GPC6: variants seen among roughly 807,000 people sequenced by gnomAD.
The protein encoded by GPC6 is glypican 6.
A neutral mutation model predicts 55.2 loss-of-function variants in GPC6; 14 were observed. The ratio of observed to expected loss-of-function variants is 0.25; its 90% CI spans 0.17 to 0.40. The LOEUF is 0.40. Among genes scored for constraint, GPC6 ranks in the 10% least tolerant of loss-of-function variants. GPC6 has a pLI of 1.00. For missense variants in GPC6, 641 were observed against 708.5 expected (o/e 0.90, Z 1.08); for synonymous variants, 278 against 259.6 (o/e 1.07, Z -0.68).
intron 5 of GPC6, among the ~76,000 whole-genome samples, chr13:94,293,434 A>G (rs1875117422): frequency 6.6e-6 from 1 of 152,186 alleles, no homozygotes; most frequent in Non-Finnish European, 1.5e-5. Flanking sequence ...ACCCACCACC[A>G]TATAAGACAC....
At chr13:93,598,974 G>A (rs1877887878) in intron 2 of GPC6, among the ~76,000 whole-genome samples, 2 of 152,106 alleles carry the variant, frequency 1.3e-5, no homozygotes, top group South Asian at 4.1e-4. Flanking sequence ...CTGTGTCTGA[G>A]ACACCTCAAT....
intron 1 of GPC6, among the ~76,000 whole-genome samples, chr13:93,253,087 G>GT (rs1390704911): frequency 6.6e-6 from 1 of 152,050 alleles, no homozygotes; most frequent in Non-Finnish European, 1.5e-5. Flanking sequence ...CTATCAAAAT[G>GT]TTTTTTCAAA....
chr13:93,300,176 C>A (rs1566286898), intron 1 of GPC6, among the ~76,000 whole-genome samples: 1 of 152,148 alleles, frequency 6.6e-6, no homozygotes, highest in Non-Finnish European at 1.5e-5. Flanking sequence ...GGGGTACATC[C>A]AGGAAAATAT....
chr13:94,133,141 T>TTGG (rs1887058763), intron 4 of GPC6, among the ~76,000 whole-genome samples: 1 of 151,932 alleles, frequency 6.6e-6, no homozygotes, highest in African/African-American at 2.4e-5. Flanking sequence ...GTATTTACGA[T>TTGG]GGTCAGGTGC....
At chr13:93,353,177 T>C (rs1344489359) in intron 1 of GPC6, among the ~76,000 whole-genome samples, 4 of 152,186 alleles carry the variant, frequency 2.6e-5, no homozygotes, top group Admixed American at 2.6e-4. Flanking sequence ...CTTGGAGGGC[T>C]TGGAAATCAA....
chr13:93,593,499 G>T (rs12429361), intron 2 of GPC6, among the ~76,000 whole-genome samples: 2,819 of 152,084 alleles, frequency 0.019, 119 homozygotes, highest in East Asian at 0.097. Flanking sequence ...TGAAGGAAAA[G>T]ATTTAAAAAT....
chr13:94,067,474 G>GTCTCTCTCTCTC lies in GPC6; in HGVS notation c.877+39583_877+39584insCTCTCTCTCTCT, dbSNP rs777653136. On this transcript the variant is annotated intron_variant, in intron 4 of 8. Coordinates refer to ENST00000377047, the MANE Select transcript of GPC6 (RefSeq NM_005708.5). Reference sequence around the variant, plus strand: ...ATGAAACATAGGCCTCTCTCTGTCTGTCTGTCTCTCTCTCTCTCTCTCTCT... The same window carrying GTCTCTCTCTCTC: ...ATGAAACATAGGCCTCTCTCTGTCTGTCTCTCTCTCTCTCTGTCTCTCTCTCTCTCTCTCTCT... Among the ~76,000 whole-genome samples the GTCTCTCTCTCTC allele has an allele frequency of 9.6e-4, 136 of 142,254 alleles. 1 individual carries two copies. Among genetic ancestry groups the GTCTCTCTCTCTC allele is most frequent in the African/African-American group, 3.3e-3 (134 of 40,114 alleles). The allele number at this position is 142,254 out of a possible 152,430, so 93.3% of individuals were successfully genotyped here.
chr13:94,332,576 G>T (rs936126597), intron 6 of GPC6, among the ~76,000 whole-genome samples: 1 of 152,166 alleles, frequency 6.6e-6, no homozygotes, highest in African/African-American at 2.4e-5. Context: ...TTGGTCTCTG[G>T]CATGGAGATA....
At chr13:93,843,773 A>T (rs1418840691) in intron 3 of GPC6, among the ~76,000 whole-genome samples, 1 of 152,146 alleles carries the variant, frequency 6.6e-6, no homozygotes, top group African/African-American at 2.4e-5. Flanking sequence ...ATCCATGTTC[A>T]GTTTAACGCA....
rs1890387053 is a variant in GPC6, at chr13:94,221,616, A to G, written c.878-64733A>G. Among the ~76,000 whole-genome samples, 3 of 152,022 alleles carry G rather than the reference A, an allele frequency of 2.0e-5. No homozygotes were observed. In the South Asian group the frequency reaches 6.2e-4, roughly 31 times the overall value. Reference sequence around the variant, plus strand: ...GCTTTTCAGTTTTACTTTTACACTAACCTCATATGACAGAATCATGTTTGA... The same window carrying G: ...GCTTTTCAGTTTTACTTTTACACTAGCCTCATATGACAGAATCATGTTTGA... On this transcript the variant is annotated intron_variant, in intron 4 of 8. Transcript: ENST00000377047.
intron 1 of GPC6, among the ~76,000 whole-genome samples, chr13:93,384,979 GA>G (rs1457138236): frequency 6.6e-6 from 1 of 152,178 alleles, no homozygotes; most frequent in Admixed American, 6.5e-5. Context: ...CCCTCAGGGA[GA>G]TTCTCTTCTA....
At chr13:94,337,819 A>G (rs1383778803) in intron 6 of GPC6, among the ~76,000 whole-genome samples, 1 of 152,200 alleles carries the variant, frequency 6.6e-6, no homozygotes, top group Non-Finnish European at 1.5e-5. Context: ...GGGAGAAGAC[A>G]CAGAAAGCCC....
intron 1 of GPC6, among the ~76,000 whole-genome samples, chr13:93,357,499 C>A (rs879465995): frequency 1.3e-5 from 2 of 152,128 alleles, no homozygotes; most frequent in Admixed American, 1.3e-4. Context: ...ATAGATAACA[C>A]TTTTGGCACC....
chr13:93,487,556 G>T (rs1478203214), intron 1 of GPC6, among the ~76,000 whole-genome samples: 1 of 152,012 alleles, frequency 6.6e-6, no homozygotes, highest in Non-Finnish European at 1.5e-5. Flanking sequence ...AGGAACGAGG[G>T]GGTAAGGAAG....
intron 4 of GPC6, among the ~76,000 whole-genome samples, chr13:94,084,803 C>T (rs1467382331): frequency 6.6e-6 from 1 of 152,130 alleles, no homozygotes; most frequent in Non-Finnish European, 1.5e-5. Context: ...ACTTTTTGTG[C>T]AGTGCTGAGT....
At chr13:94,358,583 C>T (rs1878911258) in intron 6 of GPC6, among the ~76,000 whole-genome samples, 1 of 152,096 alleles carries the variant, frequency 6.6e-6, no homozygotes, top group Non-Finnish European at 1.5e-5. Flanking sequence ...CTCTTTAACC[C>T]CATGGGTCTG....
chr13:93,780,632 A>ACAC (rs1566531567), intron 2 of GPC6, among the ~76,000 whole-genome samples: 3 of 130,652 alleles, frequency 2.3e-5, no homozygotes, highest in Admixed American at 7.6e-5. Flanking sequence ...CACACACACA[A>ACAC]AATAAAATTT....
intron 1 of GPC6, among the ~76,000 whole-genome samples, chr13:93,366,191 T>C (rs1881241576): frequency 6.6e-6 from 1 of 152,146 alleles, no homozygotes; most frequent in Admixed American, 6.6e-5. Flanking sequence ...TAGGGCATTG[T>C]ATTTATAGCA....
chr13:93,291,497 G>A (rs926280631), intron 1 of GPC6, among the ~76,000 whole-genome samples: 12 of 152,072 alleles, frequency 7.9e-5, no homozygotes, highest in Admixed American at 3.9e-4. Flanking sequence ...CAACCTCTTC[G>A]TTATGTATTT....
Sources: gnomAD v4.1 joint callset for allele counts (sites outside exome capture counted in the v4.1 genomes callset) on GRCh38, gnomAD v4.1.1 for gene constraint, MANE v1.5 for transcripts, NCBI Gene and HGNC (gene_info 2026-07-23, HGNC 2026-07-21) for gene names.